Variants in NELL2 observed in about 807,000 individuals in gnomAD.
The protein encoded by NELL2 is neural EGFL like 2, also known as protein kinase C-binding protein NELL2.
Under a neutral mutation model 109.6 loss-of-function variants are expected in NELL2, and 41 were observed. The observed-to-expected ratio is 0.37, with a 90% confidence interval of 0.29 to 0.49. The LOEUF is 0.49. Ranked by LOEUF, NELL2 falls within the 20% of genes least tolerant of loss-of-function variation. NELL2 has a pLI of 0.98. For missense variants in NELL2, 900 were observed against 1,008.3 expected (o/e 0.89, Z 1.45); for synonymous variants, 355 against 344.7 (o/e 1.03, Z -0.33).
chr12:44,717,110 G>C (rs1038282649), intron 9 of NELL2, among the ~76,000 whole-genome samples: 1 of 152,006 alleles, frequency 6.6e-6, no homozygotes, highest in African/African-American at 2.4e-5. Flanking sequence ...TTTCTTTTTT[G>C]ATCAGTTGCT....
At chr12:44,666,120 C>A (rs773616176) in intron 12 of NELL2, among the ~76,000 whole-genome samples, 2 of 152,080 alleles carry the variant, frequency 1.3e-5, no homozygotes, top group Non-Finnish European at 2.9e-5. Flanking sequence ...ATATAGCTAT[C>A]CCAGTAAGTA....
intron 3 of NELL2, among the ~76,000 whole-genome samples, chr12:44,809,879 T>A (rs1420393316): frequency 6.6e-6 from 1 of 151,992 alleles, no homozygotes; most frequent in African/African-American, 2.4e-5. Context: ...ACCAAAAAAA[T>A]TGTGTGATTA....
chr12:44,542,291 CTT>C (rs34309919), intron 15 of NELL2, among the ~76,000 whole-genome samples: 13 of 142,118 alleles, frequency 9.1e-5, no homozygotes, highest in African/African-American at 7.8e-5. Flanking sequence ...ATATATTAGT[CTT>C]TTTTTTTTTT....
intron 2 of NELL2, among the ~76,000 whole-genome samples, chr12:44,865,039 C>T (rs527297937): frequency 6.6e-5 from 9 of 135,834 alleles, no homozygotes; most frequent in Non-Finnish European, 1.3e-4. Context: ...CTGTTGTTTC[C>T]TGACTTTTTA....
At chr12:44,757,380 A>C (rs1184858849) in intron 9 of NELL2, among the ~76,000 whole-genome samples, 2 of 151,976 alleles carry the variant, frequency 1.3e-5, no homozygotes, top group African/African-American at 2.4e-5. Flanking sequence ...CCCGTTTAAA[A>C]CCCTTCAAAT....
intron 15 of NELL2, among the ~76,000 whole-genome samples, chr12:44,534,512 A>G (rs1175247443): frequency 6.6e-6 from 1 of 152,120 alleles, no homozygotes; most frequent in East Asian, 1.9e-4. Flanking sequence ...CCATTTACTG[A>G]GGCCTCATAA....
At position 44,607,188 on chromosome 12, in the gene NELL2, A is replaced by C. The variant is rs1428440603; in HGVS notation, c.1644T>G (p.Thr548=). 2.5e-6 allele frequency: 4 copies of C among 1,612,458 alleles called. No individual in the cohort carries two copies. The highest frequency in any genetic ancestry group is 2.5e-6 in the Non-Finnish European group (3 of 1,179,118). ...ANVCACPQGF[T]GPSCETDIDE... is the part of the protein sequence containing the mutation. ...TCTTACCCGTTTCACAGCTGGGTCC[A>C]GTGAAGCCTTGTGGGCAGGCACACA... The change falls in exon 15 of 20, where the codon ACT becomes ACG. Residue 548 remains threonine (T), a synonymous_variant. Transcript: ENST00000429094.
intron 2 of NELL2, among the ~76,000 whole-genome samples, chr12:44,872,326 G>T (rs2703058): frequency 0.018 from 2,765 of 152,016 alleles, 103 homozygotes; most frequent in African/African-American, 0.064. Context: ...TATTTATTAA[G>T]GTGTAATCTA....
intron 15 of NELL2, among the ~76,000 whole-genome samples, chr12:44,597,071 A>G (rs755690980): frequency 3.9e-5 from 6 of 152,190 alleles, no homozygotes; most frequent in African/African-American, 9.6e-5. Flanking sequence ...CTGATTGAAC[A>G]TGCAGGGTGA....
intron 12 of NELL2, among the ~76,000 whole-genome samples, chr12:44,685,461 T>A (rs750762808): frequency 6.6e-6 from 1 of 152,162 alleles, no homozygotes; most frequent in Non-Finnish European, 1.5e-5. Context: ...GTCATTATGA[T>A]ATTAGCTGGT....
intron 13 of NELL2, among the ~76,000 whole-genome samples, chr12:44,630,705 C>G (rs1239413714): frequency 6.6e-6 from 1 of 152,022 alleles, no homozygotes; most frequent in Non-Finnish European, 1.5e-5. Context: ...TAAAACACAT[C>G]AAGAGAACAG....
chr12:44,874,518 A>G (rs1299948719), intron 2 of NELL2, among the ~76,000 whole-genome samples: 1 of 152,232 alleles, frequency 6.6e-6, no homozygotes. Context: ...ATAATTTGAG[A>G]TGTAGACATT....
chr12:44,583,434 A>T (rs2136214053), intron 15 of NELL2, among the ~76,000 whole-genome samples: 1 of 152,346 alleles, frequency 6.6e-6, no homozygotes, highest in South Asian at 2.1e-4. Context: ...ATGAGAGCAG[A>T]GACCTTTTCA....
At chr12:44,864,382 A>C (rs1426901042) in intron 2 of NELL2, among the ~76,000 whole-genome samples, 1 of 152,186 alleles carries the variant, frequency 6.6e-6, no homozygotes, top group Non-Finnish European at 1.5e-5. Flanking sequence ...ATAAAAAAAA[A>C]TTCCATGGAA....
At chr12:44,587,284 A>AAAAAAAAAAAAAAAATATATAT in intron 15 of NELL2, among the ~76,000 whole-genome samples, 12 of 72,212 alleles carry the variant, frequency 1.7e-4, no homozygotes, top group Non-Finnish European at 1.9e-4. Flanking sequence ...AAAAAAAAAA[A>AAAAAAAAAAAAAAAATATATAT]ATATATATAT....
intron 15 of NELL2, among the ~76,000 whole-genome samples, chr12:44,599,266 T>A (rs1224733549): frequency 1.3e-5 from 2 of 151,926 alleles, no homozygotes; most frequent in African/African-American, 4.8e-5. Flanking sequence ...ATAATTTAGA[T>A]CCCCTCGAAC....
upstream of NELL2, chr12:44,876,713 G>A (rs1300573791): frequency 6.5e-7 from 1 of 1,548,118 alleles, no homozygotes; most frequent in South Asian, 1.2e-5. Context: ...TTAAGCAAAG[G>A]AGGGAAGCCC....
intron 12 of NELL2, among the ~76,000 whole-genome samples, chr12:44,680,699 GAAT>G (rs1218568509): frequency 1.3e-5 from 2 of 152,042 alleles, no homozygotes; most frequent in African/African-American, 4.8e-5. Flanking sequence ...GTTTTCTGTG[GAAT>G]AATAATTGAC....
Position 44,851,023 on chromosome 12 carries a change from T to C in NELL2, c.184+24202A>G, listed in dbSNP as rs115205649. Among the ~76,000 whole-genome samples, 1,029 of 152,306 alleles carry C rather than the reference T, an allele frequency of 6.8e-3. 7 individuals are homozygous for C. Among genetic ancestry groups the C allele is most frequent in the African/African-American group, 0.023 (962 of 41,574 alleles). On this transcript the variant is annotated intron_variant, in intron 2 of 19. Transcript: ENST00000429094. ...TCTCTTACACACAGTATACTTAAAA[T>C]ATCTATATTATATGTACATACCTAA...
Sources: gnomAD v4.1 joint callset for allele counts (sites outside exome capture counted in the v4.1 genomes callset) on GRCh38, gnomAD v4.1.1 for gene constraint, MANE v1.5 for transcripts, NCBI Gene and HGNC (gene_info 2026-07-23, HGNC 2026-07-21) for gene names.